Variants in LCK observed in about 807,000 individuals in gnomAD.
The protein encoded by LCK is LCK proto-oncogene, Src family tyrosine kinase.
A neutral mutation model predicts 64.6 loss-of-function variants in LCK; 14 were observed. That is an observed-to-expected ratio of 0.22 (90% confidence interval 0.14 to 0.34). The LOEUF is 0.34. Among genes scored for constraint, LCK ranks in the 10% least tolerant of loss-of-function variants. The pLI is 1.00. For missense variants in LCK, 434 were observed against 668.1 expected (o/e 0.65, Z 3.86); for synonymous variants, 277 against 263.6 (o/e 1.05, Z -0.49).
At chr1:32,262,065 G>A (rs1228749365) in intron 1 of LCK, among the ~76,000 whole-genome samples, 2 of 147,498 alleles carry the variant, frequency 1.4e-5, no homozygotes, top group African/African-American at 4.9e-5. Context: ...TGTATTTTTA[G>A]TAGAGATGGG....
chr1:32,254,522 G>T (rs1235533487), intron 1 of LCK, among the ~76,000 whole-genome samples: 1 of 151,888 alleles, frequency 6.6e-6, no homozygotes, highest in Non-Finnish European at 1.5e-5. Context: ...TTTGTTTTTT[G>T]TTTTTTTGAG....
In LCK at chr1:32,276,864, T is replaced by C; in HGVS notation, c.964+78T>C. 2 of 1,364,166 alleles carry C rather than the reference T, an allele frequency of 1.5e-6. No homozygotes were observed. Among genetic ancestry groups the C allele is most frequent in the East Asian group, 2.6e-5 (1 of 38,596 alleles). The allele number at this position is 1,364,166 out of a possible 1,614,324, so 84.5% of individuals were successfully genotyped here. A position where few individuals can be genotyped will look rare whatever the true frequency, so the allele number is the denominator to read the frequency against. ...TGCCAGAGGGTGGAAATACACCTTT[T>C]CTTCTGGCCCAAAGCTCAAGCAAGG... is the stretch of plus-strand genomic sequence containing the variant. On this transcript the variant is annotated intron_variant, in intron 9 of 12. Transcript: ENST00000336890. This position sits in a 1 kb window ranked among gnomAD's most constrained non-coding sequence, Gnocchi z 4.6.
In LCK at chr1:32,275,059, G is replaced by C. The variant is rs1235039920; in HGVS notation, c.254G>C (p.Gly85Ala). ...SHDGDLGFEK[G>A]EQLRILEQSG... ...GACGGAGATCTGGGCTTTGAGAAGGGGGAACAGCTCCGCATCCTGGAGCAG... is the reference window on the plus strand; with the variant it reads ...GACGGAGATCTGGGCTTTGAGAAGGCGGAACAGCTCCGCATCCTGGAGCAG... The change falls in exon 4 of 13, where the codon GGG becomes GCG. Residue 85 changes from glycine to alanine, a missense_variant. Transcript: ENST00000336890. This position sits in a 1 kb window ranked among gnomAD's most constrained non-coding sequence, Gnocchi z 6.9. 1.2e-6 allele frequency: 2 copies of C among 1,613,760 alleles called. No homozygotes were observed. The highest frequency in any genetic ancestry group is 8.5e-7 in the Non-Finnish European group (1 of 1,179,720).
chr1:32,263,065 C>T (rs541687978), intron 1 of LCK, among the ~76,000 whole-genome samples: 2 of 152,124 alleles, frequency 1.3e-5, no homozygotes, highest in South Asian at 4.1e-4. Context: ...CTTAAGGCTG[C>T]CCGTGGTCCA....
In LCK at chr1:32,276,977, C is replaced by A; in HGVS notation, c.964+191C>A. The A allele has an allele frequency of 2.1e-6, 1 of 471,336 alleles. No homozygotes were observed. The highest frequency in any genetic ancestry group is 2.0e-5 in the African/African-American group (1 of 50,006). 29.2% of individuals were successfully genotyped at this position (471,336 alleles called of 1,614,324 possible). Reference sequence around the variant, plus strand: ...CCTGTAATCCCAGCACTTTGGGAGCCGAGGCGGGCAGATCACGAGGTCAGG... The same window carrying A: ...CCTGTAATCCCAGCACTTTGGGAGCAGAGGCGGGCAGATCACGAGGTCAGG... On this transcript the variant is annotated intron_variant, in intron 9 of 12. Coordinates refer to ENST00000336890, the MANE Select transcript of LCK (RefSeq NM_005356.5). This position sits in a 1 kb window ranked among gnomAD's most constrained non-coding sequence, Gnocchi z 4.6.
At chr1:32,268,792 A>C (rs1404504136) in intron 1 of LCK, among the ~76,000 whole-genome samples, 5 of 150,648 alleles carry the variant, frequency 3.3e-5, no homozygotes, top group Middle Eastern at 6.9e-3. Context: ...CAGCTTGGGC[A>C]ACAAGAGCAA....
chr1:32,278,657 T>C (rs1453432677), intron 9 of LCK, among the ~76,000 whole-genome samples: 31 of 152,198 alleles, frequency 2.0e-4, no homozygotes, highest in Non-Finnish European at 1.5e-5. Context: ...GTATCGACTT[T>C]GATTGGTAGT....
Position 32,276,637 on chromosome 1 carries a change from T to C in LCK, c.815T>C (p.Val272Ala). The change falls in exon 9 of 13, where the codon GTG becomes GCG. Residue 272 changes from valine (V) to alanine (A), a missense_variant. By Grantham distance (64) the Val-to-Ala change is moderately conservative. Around this residue, in one of 2 missense-constraint regions of LCK, gnomAD observed 201 missense variants for 376.9 expected, o/e 0.53. Transcript: ENST00000336890. This position sits in a 1 kb window ranked among gnomAD's most constrained non-coding sequence, Gnocchi z 4.6. ...TACAACGGGCACACGAAGGTGGCGG[T>C]GAAGAGCCTGAAGCAGGGCAGCATG... is the stretch of plus-strand genomic sequence containing the variant. ...GYYNGHTKVA[V>A]KSLKQGSMSP... is the part of the protein sequence containing the mutation. 1 of 1,613,434 alleles carries C rather than the reference T, an allele frequency of 6.2e-7. No individual in the cohort carries two copies. The highest frequency in any genetic ancestry group is 8.5e-7 in the Non-Finnish European group (1 of 1,179,698).
In LCK at chr1:32,266,213, C is replaced by A. The variant is rs115153726; in HGVS notation, c.-5-8112C>A. On this transcript the variant is annotated intron_variant, in intron 1 of 12. Coordinates refer to ENST00000336890, the MANE Select transcript of LCK (RefSeq NM_005356.5). ...TCCTGGGCTCAAGAGATCCTCCTGGCCGGGCACGGTGGCTCACGCCTGTGA... is the reference window on the plus strand; with the variant it reads ...TCCTGGGCTCAAGAGATCCTCCTGGACGGGCACGGTGGCTCACGCCTGTGA... 8.7e-3 allele frequency among the ~76,000 whole-genome samples: 1,325 copies of A among 152,186 alleles called. 11 individuals are homozygous for A. The highest frequency in any genetic ancestry group is 0.031 in the African/African-American group (1,272 of 41,524).
rs1569956934 is a variant in LCK at position 32,276,275 on chromosome 1, G to C, written c.632-62G>C. 3 of 1,516,980 alleles carry C rather than the reference G, an allele frequency of 2.0e-6. No homozygotes were observed. The highest frequency in any genetic ancestry group is 4.5e-5 in the East Asian group (2 of 43,964). 94.0% of individuals were successfully genotyped at this position (1,516,980 alleles called of 1,614,324 possible). On this transcript the variant is annotated intron_variant, in intron 7 of 12. Coordinates refer to ENST00000336890, the MANE Select transcript of LCK (RefSeq NM_005356.5). This position sits in a 1 kb window ranked among gnomAD's most constrained non-coding sequence, Gnocchi z 4.6. ...TAGATGGGGGCTTGGAGAAGTGGGGGAGGTGGTGTCAATACGAGGCCTGCC... is the reference window on the plus strand; with the variant it reads ...TAGATGGGGGCTTGGAGAAGTGGGGCAGGTGGTGTCAATACGAGGCCTGCC...
intron 1 of LCK, 189 bp from the exon 2 acceptor site, chr1:32,274,136 G>T: frequency 1.6e-6 from 2 of 1,265,582 alleles, no homozygotes; most frequent in Non-Finnish European, 2.1e-6. Context: ...TAGCCTGAGG[G>T]CTCAGAGGGA....
chr1:32,259,747 C>T (rs1211651722), intron 1 of LCK, among the ~76,000 whole-genome samples: 4 of 151,912 alleles, frequency 2.6e-5, no homozygotes, highest in Non-Finnish European at 5.9e-5. Flanking sequence ...GAGGTCGAGG[C>T]TTCAGTGAGC....
In LCK at chr1:32,251,932, GAGAGA is replaced by G. The variant is rs1557566151; in HGVS notation, c.-6+562_-6+566del. 3.0e-4 allele frequency among the ~76,000 whole-genome samples: 45 copies of G among 149,798 alleles called. No individual in the cohort carries two copies. In the East Asian group the frequency reaches 8.4e-3, roughly 28 times the overall value. On this transcript the variant is annotated intron_variant, in intron 1 of 12. Coordinates refer to ENST00000336890, the MANE Select transcript of LCK (RefSeq NM_005356.5). This position sits in a 1 kb window ranked among gnomAD's most constrained non-coding sequence, Gnocchi z 4.0. ...AGAGAGAGAGAGAGAGAGAGAGAGA[GAGAGA>G]CAGAGATCACCCAAGGCATCCAGAT...
At chr1:32,259,445 C>A (rs933887051) in intron 1 of LCK, among the ~76,000 whole-genome samples, 1 of 151,778 alleles carries the variant, frequency 6.6e-6, no homozygotes, top group African/African-American at 2.4e-5. Context: ...CATGGTGAAA[C>A]CCCATCTCTA....
chr1:32,276,189 G>T lies in LCK; in HGVS notation c.631+126G>T. The T allele has an allele frequency of 6.9e-7, 1 of 1,443,804 alleles. No homozygotes were observed. Among genetic ancestry groups the T allele is most frequent in the South Asian group, 1.3e-5 (1 of 77,452 alleles). 89.4% of individuals were successfully genotyped at this position (1,443,804 alleles called of 1,614,324 possible). ...CCGCAGTGGGTGAGGTGTGGAACCT[G>T]ACCCTACGGCCCCAAGTGTTTGGGT... On this transcript the variant is annotated intron_variant, in intron 7 of 12. Coordinates refer to ENST00000336890, the MANE Select transcript of LCK (RefSeq NM_005356.5). This position sits in a 1 kb window ranked among gnomAD's most constrained non-coding sequence, Gnocchi z 4.6.
chr1:32,265,207 C>T (rs1639878690), intron 1 of LCK, among the ~76,000 whole-genome samples: 2 of 151,822 alleles, frequency 1.3e-5, no homozygotes, highest in South Asian at 2.1e-4. Flanking sequence ...ATGTAATCAG[C>T]GATTTAATTA....
chr1:32,281,987 T>C (rs948871853), intron 12 of LCK, among the ~76,000 whole-genome samples: 1 of 152,140 alleles, frequency 6.6e-6, no homozygotes, highest in Non-Finnish European at 1.5e-5. Context: ...GGAGAATTGC[T>C]TGAACCCAGG....
At position 32,276,221 on chromosome 1, in the gene LCK, C is replaced by G. The variant is rs545173204; in HGVS notation, c.632-116C>G. 6 of 1,463,098 alleles carry G rather than the reference C, an allele frequency of 4.1e-6. No homozygotes were observed. Among genetic ancestry groups the G allele is most frequent in the Non-Finnish European group, 5.5e-6 (6 of 1,092,232 alleles). The allele number at this position is 1,463,098 out of a possible 1,614,324, so 90.6% of individuals were successfully genotyped here. A position where few individuals can be genotyped will look rare whatever the true frequency, so the allele number is the denominator to read the frequency against. Reference sequence around the variant, plus strand: ...CGGCCCCAAGTGTTTGGGTGACAGCCCCACACCCCCTTGCTAGTCCACTTC... The same window carrying G: ...CGGCCCCAAGTGTTTGGGTGACAGCGCCACACCCCCTTGCTAGTCCACTTC... On this transcript the variant is annotated intron_variant, in intron 7 of 12. Coordinates refer to ENST00000336890, the MANE Select transcript of LCK (RefSeq NM_005356.5). This position sits in a 1 kb window ranked among gnomAD's most constrained non-coding sequence, Gnocchi z 4.6.
intron 1 of LCK, 177 bp from the exon 2 acceptor site, chr1:32,274,148 C>T: frequency 7.4e-7 from 1 of 1,348,786 alleles, no homozygotes. Context: ...TCAGAGGGAG[C>T]ACCGGTTTGG....
Sources: allele counts gnomAD v4.1 joint callset (sites outside exome capture counted in the v4.1 genomes callset), GRCh38; gene constraint gnomAD v4.1.1; regional missense constraint gnomAD v4.1.1; non-coding constraint Gnocchi (gnomAD v3.1); transcripts MANE v1.5; gene names NCBI Gene and HGNC (gene_info 2026-07-23, HGNC 2026-07-21).